BMPR2: variants seen among roughly 807,000 people sequenced by gnomAD.
The protein encoded by BMPR2 is bone morphogenetic protein receptor type 2, also known as bone morphogenetic protein receptor type-2.
In BMPR2, 29 loss-of-function variants were observed where a neutral mutation model predicts 100.8. The observed-to-expected ratio is 0.29, with a 90% CI of 0.21 to 0.39. BMPR2 has a LOEUF of 0.39. BMPR2 is among the 10% of genes least tolerant of loss of function. BMPR2 has a pLI of 1.00. For synonymous variants in BMPR2, 382 were observed against 442.3 expected (o/e 0.86, Z 1.71); for missense variants, 1,011 against 1,274.5 (o/e 0.79, Z 3.15).
chr2:202,496,569 G>A (rs1472386186), intron 3 of BMPR2, among the ~76,000 whole-genome samples: 3 of 152,134 alleles, frequency 2.0e-5, no homozygotes, highest in Non-Finnish European at 2.9e-5. Flanking sequence ...GTTTTGACCC[G>A]CATTAATGCT....
intron 1 of BMPR2, among the ~76,000 whole-genome samples, chr2:202,448,990 G>T (rs1045916019): frequency 6.7e-6 from 1 of 150,080 alleles, no homozygotes; most frequent in African/African-American, 2.5e-5. Flanking sequence ...GCTTTTGCTT[G>T]TCTTTCTCTT....
chr2:202,402,413 A>T (rs562035633), intron 1 of BMPR2, among the ~76,000 whole-genome samples: 24 of 152,232 alleles, frequency 1.6e-4, no homozygotes, highest in Admixed American at 1.4e-3. Flanking sequence ...GCTACTCAGG[A>T]GGCTGAGGCA....
At chr2:202,512,245 A>G (rs772654028) in intron 3 of BMPR2, among the ~76,000 whole-genome samples, 9 of 152,162 alleles carry the variant, frequency 5.9e-5, no homozygotes, top group Non-Finnish European at 1.2e-4. Context: ...AGAAGCTTCT[A>G]ATTTGAGTAT....
At position 202,376,335 on chromosome 2, in the gene BMPR2, C is replaced by T. The variant is rs1038354587; in HGVS notation, c.-1140C>T. Among the ~76,000 whole-genome samples, 2 of 146,712 alleles carry T rather than the reference C, an allele frequency of 1.4e-5. No individual in the cohort carries two copies. The highest frequency in any genetic ancestry group is 3.0e-5 in the Non-Finnish European group (2 of 66,306). On this transcript the variant is annotated 5_prime_UTR_variant, in exon 1 of 13. Transcript: ENST00000374580. The stretch of plus-strand genomic sequence containing the variant: ...AGACTGGCAGCTGCGGCGACTCCCC[C>T]CTTTGTGTCTGGTCTGCTCGGAGCC...
At chr2:202,418,288 C>T (rs1464809271) in intron 1 of BMPR2, among the ~76,000 whole-genome samples, 1 of 152,194 alleles carries the variant, frequency 6.6e-6, no homozygotes, top group East Asian at 1.9e-4. Flanking sequence ...AGCCAGAACT[C>T]AGGGTCTGGT....
At chr2:202,467,986 G>A (rs1692361372) in intron 3 of BMPR2, among the ~76,000 whole-genome samples, 1 of 152,060 alleles carries the variant, frequency 6.6e-6, no homozygotes, top group Non-Finnish European at 1.5e-5. Context: ...GGCAGAGGTT[G>A]CAGTGAGCCA....
chr2:202,480,953 TAAAAAAAAAA>T (rs71035011), intron 3 of BMPR2, among the ~76,000 whole-genome samples: 10 of 43,356 alleles, frequency 2.3e-4, no homozygotes, highest in East Asian at 6.8e-4. Flanking sequence ...AGACTCCGTC[TAAAAAAAAAA>T]AAAAAAAAAA....
intron 1 of BMPR2, among the ~76,000 whole-genome samples, chr2:202,403,434 G>A (rs963513075): frequency 3.3e-5 from 5 of 151,954 alleles, no homozygotes; most frequent in Admixed American, 6.6e-5. Flanking sequence ...TCTTGACCTC[G>A]TGATCCTCCT....
rs1688652892 is a variant in BMPR2, at chr2:202,560,026, C to T, written c.*80C>T. ...AAGATGTTTAAAAATAAAAAAAAAA[C>T]TGCTTTATCCTCCTGTCAGCACCCC... On this transcript the variant is annotated 3_prime_UTR_variant, in exon 13 of 13. Transcript: ENST00000374580. The T allele has an allele frequency of 5.9e-6, 9 of 1,524,250 alleles. No homozygotes were observed. The highest frequency in any genetic ancestry group is 1.7e-5 in the Admixed American group (1 of 57,932). The allele number at this position is 1,524,250 out of a possible 1,614,324, so 94.4% of individuals were successfully genotyped here.
intron 1 of BMPR2, among the ~76,000 whole-genome samples, chr2:202,378,775 T>C (rs1324465330): frequency 6.6e-6 from 1 of 152,200 alleles, no homozygotes. Context: ...AGAGTAAAAA[T>C]GATTTTTCTC....
At chr2:202,466,477 G>C (rs1395554113) in intron 2 of BMPR2, among the ~76,000 whole-genome samples, 1 of 152,024 alleles carries the variant, frequency 6.6e-6, no homozygotes, top group Non-Finnish European at 1.5e-5. Context: ...AGTGGAGATA[G>C]AGTTTTGCCA....
chr2:202,454,509 G>T (rs1038002200), intron 1 of BMPR2, among the ~76,000 whole-genome samples: 7 of 152,140 alleles, frequency 4.6e-5, no homozygotes, highest in Admixed American at 4.6e-4. Context: ...TTCGGTAACA[G>T]TCTATAACCA....
At chr2:202,407,552 C>T (rs1182621405) in intron 1 of BMPR2, among the ~76,000 whole-genome samples, 1 of 151,928 alleles carries the variant, frequency 6.6e-6, no homozygotes, top group African/African-American at 2.4e-5. Context: ...ACGGGTGGAT[C>T]ACGAGATCAG....
chr2:202,416,858 A>G (rs1026004912), intron 1 of BMPR2, among the ~76,000 whole-genome samples: 1 of 146,342 alleles, frequency 6.8e-6, no homozygotes, highest in Non-Finnish European at 1.5e-5. Context: ...TTTTTTTGAG[A>G]CAGAGTCTTG....
At chr2:202,434,251 T>C (rs1301343602) in intron 1 of BMPR2, among the ~76,000 whole-genome samples, 2 of 150,462 alleles carry the variant, frequency 1.3e-5, no homozygotes, top group Non-Finnish European at 2.9e-5. Flanking sequence ...AGATGAAACA[T>C]GTCTTTACCA....
At chr2:202,515,036 C>T in intron 5 of BMPR2, 57 bp downstream of exon 5, 1 of 1,436,210 alleles carries the variant, frequency 7.0e-7, no homozygotes, top group South Asian at 1.1e-5. Context: ...AGACCTGGAA[C>T]AGTGACTTCA....
At chr2:202,436,904 G>A (rs1484086732) in intron 1 of BMPR2, among the ~76,000 whole-genome samples, 1 of 150,614 alleles carries the variant, frequency 6.6e-6, no homozygotes, top group Non-Finnish European at 1.5e-5. Flanking sequence ...AGTAAGAATT[G>A]TGTTCCTCTC....
chr2:202,503,153 C>T lies in BMPR2; in HGVS notation c.419-10566C>T, dbSNP rs1423061301. On this transcript the variant is annotated intron_variant, in intron 3 of 12. Coordinates refer to ENST00000374580, the MANE Select transcript of BMPR2 (RefSeq NM_001204.7). This position sits in a 1 kb window ranked among gnomAD's most constrained non-coding sequence, Gnocchi z 4.0. ...TCCAGCAGGAAATAGCTAGAGCGGT[C>T]ATTGGCCAAATTCCCAACAGCATTT... Among the ~76,000 whole-genome samples the T allele has an allele frequency of 1.3e-5, 2 of 152,218 alleles. No homozygotes were observed. Among genetic ancestry groups the T allele is most frequent in the African/African-American group, 4.8e-5 (2 of 41,458 alleles).
chr2:202,413,692 T>C (rs1691062374), intron 1 of BMPR2, among the ~76,000 whole-genome samples: 1 of 151,838 alleles, frequency 6.6e-6, no homozygotes, highest in African/African-American at 2.4e-5. Flanking sequence ...TGAGATAGGG[T>C]CTCACTCTGT....
Sources: allele counts gnomAD v4.1 joint callset (sites outside exome capture counted in the v4.1 genomes callset), GRCh38; gene constraint gnomAD v4.1.1; non-coding constraint Gnocchi (gnomAD v3.1); transcripts MANE v1.5; gene names NCBI Gene and HGNC (gene_info 2026-07-23, HGNC 2026-07-21).